Variants in SLC7A2 observed in about 807,000 individuals in gnomAD.
The protein encoded by SLC7A2 is cationic amino acid transporter 2.
A neutral mutation model predicts 58.9 loss-of-function variants in SLC7A2; 48 were observed. That is an observed-to-expected ratio of 0.82 (90% confidence interval 0.65 to 1.04). SLC7A2 has a LOEUF of 1.04. SLC7A2 is among the 50% of genes least tolerant of loss of function. SLC7A2 has a pLI of 0.00. For missense variants in SLC7A2, 1,029 were observed against 818.8 expected (o/e 1.26, Z -3.13); for synonymous variants, 363 against 314.5 (o/e 1.15, Z -1.63).
At position 17,525,243 on chromosome 8, in the gene SLC7A2, G is replaced by A. The variant is rs185391214; in HGVS notation, c.-22-18075G>A. 4.5e-3 allele frequency among the ~76,000 whole-genome samples: 680 copies of A among 152,162 alleles called. 3 individuals carry two copies. The highest frequency in any genetic ancestry group is 8.6e-3 in the Admixed American group (132 of 15,266). On this transcript the variant is annotated intron_variant, in intron 2 of 12. Transcript: ENST00000494857. ...TATTCCTCTACTTGAAGAAAATAGA[G>A]TATTTAGAAGTCTTATTTTTAAAAA...
At chr8:17,514,092 G>C (rs1464408338) in intron 2 of SLC7A2, among the ~76,000 whole-genome samples, 1 of 152,066 alleles carries the variant, frequency 6.6e-6, no homozygotes, top group Non-Finnish European at 1.5e-5. Context: ...AGCCCTTATT[G>C]GGAGTAAAAA....
In SLC7A2 at chr8:17,525,067, T is replaced by C. The variant is rs867679004; in HGVS notation, c.-22-18251T>C. On this transcript the variant is annotated intron_variant, in intron 2 of 12. Transcript: ENST00000494857. ...TTTTCCACATATTCCCCCCATTCTC[T>C]ACATCACATCCTATCTATTAAAAGG... 1.7e-4 allele frequency among the ~76,000 whole-genome samples: 26 copies of C among 152,294 alleles called. No homozygotes were observed. In the South Asian group the frequency reaches 1.9e-3, roughly 11 times the overall value.
At chr8:17,518,678 C>A (rs1196113388) in intron 2 of SLC7A2, among the ~76,000 whole-genome samples, 1 of 152,100 alleles carries the variant, frequency 6.6e-6, no homozygotes, top group Non-Finnish European at 1.5e-5. Context: ...AATTGCAAAG[C>A]TTCATTACAT....
intron 2 of SLC7A2, among the ~76,000 whole-genome samples, 165 bp from the exon 3 acceptor site, chr8:17,543,153 A>T (rs1431850142): frequency 1.3e-5 from 2 of 151,604 alleles, no homozygotes; most frequent in South Asian, 2.1e-4. Context: ...CTTCCTTCTG[A>T]CTGCTCTGGG....
At chr8:17,494,346 G>C (rs1383699653), upstream of SLC7A2, among the ~76,000 whole-genome samples, 1 of 152,182 alleles carries the variant, frequency 6.6e-6, no homozygotes. Context: ...AGACATGCAA[G>C]AATGTTTGTG....
chr8:17,517,306 T>C (rs74966253), intron 2 of SLC7A2, among the ~76,000 whole-genome samples: 5,873 of 152,230 alleles, frequency 0.039, 168 homozygotes, highest in Middle Eastern at 0.17. Flanking sequence ...ACAAAAGATG[T>C]GATTTGTAGG....
chr8:17,560,460 G>A lies in SLC7A2; in HGVS notation c.1431G>A (p.Arg477=). The A allele has an allele frequency of 6.2e-7, 1 of 1,614,050 alleles. No homozygotes were observed. Among genetic ancestry groups the A allele is most frequent in the South Asian group, 1.1e-5 (1 of 91,078 alleles). ...TMLQRQGFSM[R]TLFCPSLLPT... ...TGCAGAGACAGGGCTTCAGCATGCG[G>A]ACCCTCTTCTGCCCCTCCCTTCTGC... Residue 477 remains arginine (R), a synonymous_variant, in exon 10 of 13, where the codon CGG becomes CGA. Transcript: ENST00000494857.
chr8:17,514,032 T>C (rs748521667), intron 2 of SLC7A2, among the ~76,000 whole-genome samples: 2 of 152,134 alleles, frequency 1.3e-5, no homozygotes, highest in Non-Finnish European at 2.9e-5. Context: ...AGCATGTAAA[T>C]ATCACTGACC....
In SLC7A2 at chr8:17,548,859, T is replaced by A; in HGVS notation, c.698+16T>A. On this transcript the variant is annotated intron_variant, in intron 5 of 12. Coordinates refer to ENST00000494857, the MANE Select transcript of SLC7A2 (RefSeq NM_001370338.1). ...CAAGTGCCAGGTAAAATATTTGAGG[T>A]TTTTTTTTTTCTCCTTCTTGTTTAA... 1 of 2,168 alleles carries A rather than the reference T, an allele frequency of 4.6e-4. No homozygotes were observed. The highest frequency in any genetic ancestry group is 0.031 in the Admixed American group (1 of 32). The allele number at this position is 2,168 out of a possible 1,614,324, so 0.1% of individuals were successfully genotyped here.
chr8:17,534,705 A>C (rs1268366960), intron 2 of SLC7A2, among the ~76,000 whole-genome samples: 1 of 151,906 alleles, frequency 6.6e-6, no homozygotes, highest in African/African-American at 2.4e-5. Flanking sequence ...AAAAAAAAAA[A>C]AAAAAAAACA....
At chr8:17,547,084 A>G (rs906295312) in intron 4 of SLC7A2, among the ~76,000 whole-genome samples, 2 of 152,194 alleles carry the variant, frequency 1.3e-5, no homozygotes, top group African/African-American at 2.4e-5. Context: ...ATATATAAAT[A>G]AATTTTATAA....
Position 17,560,533 on chromosome 8 carries a change from G to C in SLC7A2, c.1504G>C (p.Ala502Pro). Residue 502 changes from alanine (A) to proline (P), a missense_variant and splice_region_variant, in exon 10 of 13, where the codon GCT becomes CCT. Coordinates refer to ENST00000494857, the MANE Select transcript of SLC7A2 (RefSeq NM_001370338.1). ...SLVSFLVGFL[A>P]FLVLGLSVLT... is the part of the protein sequence containing the mutation. ...CGTGAGCTTTCTGGTAGGATTCCTA[G>C]GTAAGTCTTCTTCTCTGCTTACATT... 6 of 1,612,288 alleles carry C rather than the reference G, an allele frequency of 3.7e-6. No homozygotes were observed. The highest frequency in any genetic ancestry group is 5.1e-6 in the Non-Finnish European group (6 of 1,178,484).
At chr8:17,516,855 G>A (rs996584684) in intron 2 of SLC7A2, among the ~76,000 whole-genome samples, 6 of 152,206 alleles carry the variant, frequency 3.9e-5, no homozygotes, top group African/African-American at 1.2e-4. Context: ...TATCTGCCAT[G>A]TGCCAAGCAC....
chr8:17,530,241 A>G (rs953338940), intron 2 of SLC7A2, among the ~76,000 whole-genome samples: 5 of 152,172 alleles, frequency 3.3e-5, no homozygotes, highest in Admixed American at 2.0e-4. Flanking sequence ...AGGAGCTGAC[A>G]GAGAGGATAA....
In SLC7A2 at chr8:17,560,392, T is replaced by C; in HGVS notation, c.1363T>C (p.Ser455Pro). The C allele has an allele frequency of 6.2e-7, 1 of 1,614,050 alleles. No individual in the cohort carries two copies. The highest frequency in any genetic ancestry group is 8.5e-7 in the Non-Finnish European group (1 of 1,179,944). The change falls in exon 10 of 13, where the codon TCT (serine) becomes CCT (proline). Residue 455 changes from serine to proline, a missense_variant. Physicochemically the swap from Ser to Pro is moderately conservative, Grantham distance 74 (BLOSUM62 -1). Transcript: ENST00000494857. ...TCCTGAGAAAGATGGTCTGGGATCG[T>C]CTCCCAGGGTAACCTCGAAGAGTGA... is the stretch of plus-strand genomic sequence containing the variant. ...CSPEKDGLGS[S>P]PRVTSKSESQ...
Position 17,543,709 on chromosome 8 carries a change from G to T in SLC7A2, c.370G>T (p.Val124Leu). 3 of 1,516,736 alleles carry T rather than the reference G, an allele frequency of 2.0e-6. No homozygotes were observed. The highest frequency in any genetic ancestry group is 2.6e-6 in the Non-Finnish European group (3 of 1,133,626). 94.0% of individuals were successfully genotyped at this position (1,516,736 alleles called of 1,614,324 possible). The change falls in exon 3 of 13, where the codon GTG becomes TTG. Residue 124 changes from valine (V) to leucine (L), a missense_variant. Transcript: ENST00000494857. Reference protein sequence around the residue: ...ITGWNLILSYVIGTSSVARAW... With the variant: ...ITGWNLILSYLIGTSSVARAW... The stretch of plus-strand genomic sequence containing the variant: ...TGGCTGGAATCTCATTTTATCGTAT[G>T]TGATAGGTATGTTTCAAAAAGAAAT...
chr8:17,542,173 A>T (rs1282113661), intron 2 of SLC7A2, among the ~76,000 whole-genome samples: 1 of 152,220 alleles, frequency 6.6e-6, no homozygotes, highest in African/African-American at 2.4e-5. Context: ...CATCTGCTTC[A>T]CATTCATTGT....
chr8:17,501,570 A>T (rs1020851802), intron 1 of SLC7A2, among the ~76,000 whole-genome samples: 1 of 152,042 alleles, frequency 6.6e-6, no homozygotes, highest in Non-Finnish European at 1.5e-5. Context: ...GTGTGTATGG[A>T]TGTGATGTGT....
intron 5 of SLC7A2, among the ~76,000 whole-genome samples, chr8:17,549,160 A>C (rs976334710): frequency 6.6e-6 from 1 of 152,170 alleles, no homozygotes; most frequent in African/African-American, 2.4e-5. Context: ...ACCTGCCCCC[A>C]TGATTCAACC....
Sources: allele counts gnomAD v4.1 joint callset (sites outside exome capture counted in the v4.1 genomes callset), GRCh38; gene constraint gnomAD v4.1.1; transcripts MANE v1.5; gene names NCBI Gene and HGNC (gene_info 2026-07-23, HGNC 2026-07-21).